The following GRIK2 variants were observed in gnomAD, a reference collection of about 807,000 sequenced individuals.
GRIK2 encodes the protein glutamate ionotropic receptor kainate type subunit 2.
Under a neutral mutation model 100.3 loss-of-function variants are expected in GRIK2, and 32 were observed. The observed-to-expected ratio is 0.32, with a 90% CI of 0.24 to 0.43. The LOEUF is 0.43. GRIK2 is among the 20% of genes least tolerant of loss of function. The pLI is 1.00. For synonymous variants in GRIK2, 417 were observed against 389.4 expected (o/e 1.07, Z -0.83); for missense variants, 843 against 1,114.9 (o/e 0.76, Z 3.47).
chr6:101,525,786 A>G (rs926094978), intron 2 of GRIK2, among the ~76,000 whole-genome samples: 1 of 152,206 alleles, frequency 6.6e-6, no homozygotes, highest in Non-Finnish European at 1.5e-5. Flanking sequence ...GTGCATGTGT[A>G]ATTACATGCT....
chr6:101,682,415 G>A, intron 5 of GRIK2, 138 bp from the exon 6 acceptor site: 1 of 602,764 alleles, frequency 1.7e-6, no homozygotes, highest in South Asian at 2.0e-5. Flanking sequence ...AAAAGATTTA[G>A]TTTAACCTAA....
chr6:101,760,618 TTATA>T (rs1777534917), intron 7 of GRIK2, among the ~76,000 whole-genome samples: 1 of 109,192 alleles, frequency 9.2e-6, no homozygotes, highest in African/African-American at 3.5e-5. Context: ...TTATATTTAA[TTATA>T]TGTTTAATTA....
intron 4 of GRIK2, among the ~76,000 whole-genome samples, chr6:101,657,419 TCTTTC>T (rs1769275233): frequency 6.6e-6 from 1 of 152,150 alleles, no homozygotes; most frequent in African/African-American, 2.4e-5. Context: ...CAATTAAACC[TCTTTC>T]CTTTATAAAT....
chr6:101,708,800 T>A (rs1335483431), intron 7 of GRIK2, among the ~76,000 whole-genome samples: 1 of 151,780 alleles, frequency 6.6e-6, no homozygotes, highest in Non-Finnish European at 1.5e-5. Flanking sequence ...GTTTTCCAGT[T>A]TTTCCTCTGC....
At chr6:101,697,935 T>C (rs1447314818) in intron 7 of GRIK2, among the ~76,000 whole-genome samples, 1 of 152,116 alleles carries the variant, frequency 6.6e-6, no homozygotes, top group Non-Finnish European at 1.5e-5. Context: ...TCAAGATAAA[T>C]GCCCTTTCTT....
intron 14 of GRIK2, among the ~76,000 whole-genome samples, chr6:101,935,743 C>T (rs1185860360): frequency 6.6e-6 from 1 of 151,848 alleles, no homozygotes; most frequent in Non-Finnish European, 1.5e-5. Context: ...CTGCTCCTTT[C>T]CTTGTTGTGA....
At chr6:101,743,026 G>A (rs951240324) in intron 7 of GRIK2, among the ~76,000 whole-genome samples, 1 of 152,168 alleles carries the variant, frequency 6.6e-6, no homozygotes, top group Non-Finnish European at 1.5e-5. Context: ...CGATCTATAC[G>A]AGCATAGTCA....
intron 10 of GRIK2, among the ~76,000 whole-genome samples, chr6:101,850,712 G>T (rs1224615020): frequency 6.6e-6 from 1 of 152,012 alleles, no homozygotes; most frequent in Non-Finnish European, 1.5e-5. Flanking sequence ...TTAAAACTGG[G>T]GTTGATAGTA....
intron 2 of GRIK2, among the ~76,000 whole-genome samples, chr6:101,499,727 C>T (rs1051324487): frequency 2.6e-5 from 4 of 151,912 alleles, no homozygotes; most frequent in African/African-American, 9.7e-5. Flanking sequence ...ATATACTATG[C>T]CTAATATAGT....
chr6:101,982,376 T>C (rs1409667217), intron 14 of GRIK2, among the ~76,000 whole-genome samples: 1 of 151,900 alleles, frequency 6.6e-6, no homozygotes, highest in Non-Finnish European at 1.5e-5. Context: ...CTCTGTGCTT[T>C]TTGTATATGC....
chr6:101,748,198 A>C (rs1776552360), intron 7 of GRIK2, among the ~76,000 whole-genome samples: 1 of 152,208 alleles, frequency 6.6e-6, no homozygotes, highest in Admixed American at 6.5e-5. Context: ...TGTCAGAATA[A>C]GCTATTTCTT....
At chr6:101,744,535 T>TATAC (rs1776274405) in intron 7 of GRIK2, 1 of 96,942 alleles carries the variant, frequency 1.0e-5, no homozygotes, top group Non-Finnish European at 2.1e-5. Flanking sequence ...TATATATATA[T>TATAC]ATATATATAT....
chr6:101,552,428 G>T (rs753486140), intron 2 of GRIK2, among the ~76,000 whole-genome samples: 9 of 152,032 alleles, frequency 5.9e-5, no homozygotes, highest in Non-Finnish European at 1.3e-4. Context: ...ATATTTTCCT[G>T]CTTTTGCTTT....
intron 7 of GRIK2, among the ~76,000 whole-genome samples, chr6:101,730,758 G>A (rs1246165895): frequency 6.6e-6 from 1 of 151,678 alleles, no homozygotes; most frequent in Non-Finnish European, 1.5e-5. Flanking sequence ...AAAAGAAAGA[G>A]AGAGGAACTT....
intron 14 of GRIK2, among the ~76,000 whole-genome samples, chr6:101,992,385 G>C (rs1169682586): frequency 6.6e-6 from 1 of 151,470 alleles, no homozygotes; most frequent in Non-Finnish European, 1.5e-5. Context: ...CTATTTAGTG[G>C]GGCATAAGAT....
At chr6:101,676,911 C>T (rs1368237326) in intron 5 of GRIK2, 107 bp downstream of exon 5, 2 of 616,408 alleles carry the variant, frequency 3.2e-6, no homozygotes, top group Non-Finnish European at 5.4e-6. Context: ...TTATAATAAC[C>T]TTGATGTAAT....
chr6:101,794,232 G>C (rs917189536), intron 7 of GRIK2, among the ~76,000 whole-genome samples: 11 of 152,080 alleles, frequency 7.2e-5, no homozygotes, highest in African/African-American at 2.7e-4. Context: ...TGTGCCCACT[G>C]TCTGGCACTC....
intron 2 of GRIK2, among the ~76,000 whole-genome samples, chr6:101,549,044 C>T (rs958830250): frequency 6.6e-6 from 1 of 152,010 alleles, no homozygotes; most frequent in African/African-American, 2.4e-5. Context: ...GTTTTGAGTT[C>T]CTGACCATCT....
chr6:101,846,350 G>A (rs780457335), intron 10 of GRIK2, among the ~76,000 whole-genome samples: 1 of 152,190 alleles, frequency 6.6e-6, no homozygotes, highest in South Asian at 2.1e-4. Context: ...TGTGAGGTAA[G>A]TATCAACTTC....
Sources: gnomAD v4.1 joint callset for allele counts (sites outside exome capture counted in the v4.1 genomes callset) on GRCh38, gnomAD v4.1.1 for gene constraint, MANE v1.5 for transcripts, NCBI Gene and HGNC (gene_info 2026-07-23, HGNC 2026-07-21) for gene names.